Variants in AWAT2 observed in about 807,000 individuals in gnomAD.
AWAT2 encodes the protein 11-cis-RE-synthase.
A neutral mutation model predicts 22.3 loss-of-function variants in AWAT2; 9 were observed. The ratio of observed to expected loss-of-function variants is 0.40; its 90% CI spans 0.24 to 0.70. AWAT2 has a LOEUF of 0.70. AWAT2 is among the 30% of genes least tolerant of loss of function. The pLI, the probability that AWAT2 is intolerant of heterozygous loss-of-function variation, is 0.36. For missense variants in AWAT2, 217 were observed against 265.9 expected (o/e 0.82, Z 1.28); for synonymous variants, 100 against 93.4 (o/e 1.07, Z -0.40).
At chrX:70,041,706 G>C (rs751464598) in intron 7 of AWAT2, 67 bp downstream of exon 7, 3 of 906,265 alleles carry the variant, frequency 3.3e-6, no homozygotes, top group Non-Finnish European at 4.6e-6. Flanking sequence ...AGGAGGACTG[G>C]TCAAATCAGG....
intron 1 of AWAT2, among the ~76,000 whole-genome samples, chrX:70,046,786 A>T (rs149099862): frequency 6.2e-5 from 7 of 112,043 alleles, no homozygotes; most frequent in African/African-American, 2.3e-4. Context: ...TTTAATAGGG[A>T]GCATTCACAA....
intron 1 of AWAT2, 136 bp from the exon 2 acceptor site, chrX:70,044,598 C>A: frequency 9.8e-7 from 1 of 1,019,338 alleles, no homozygotes; most frequent in South Asian, 2.5e-5. Flanking sequence ...ACTTCTTCAC[C>A]CCAGCACCTG....
At chrX:70,047,925 T>A (rs1382598394) in intron 1 of AWAT2, among the ~76,000 whole-genome samples, 1 of 109,942 alleles carries the variant, frequency 9.1e-6, no homozygotes, top group Non-Finnish European at 1.9e-5. Flanking sequence ...TCAGCCACTC[T>A]CCTCCTTAAC....
At chrX:70,042,959 G>T in intron 5 of AWAT2, 110 bp downstream of exon 5, 1 of 676,315 alleles carries the variant, frequency 1.5e-6, no homozygotes. Flanking sequence ...AGAATGTATT[G>T]TATACTTCCT....
At chrX:70,041,705 G>T in intron 7 of AWAT2, 68 bp downstream of exon 7, 1 of 887,171 alleles carries the variant, frequency 1.1e-6, no homozygotes, top group Non-Finnish European at 1.6e-6. Context: ...AAGGAGGACT[G>T]GTCAAATCAG....
intron 3 of AWAT2, 39 bp from the exon 4 acceptor site, chrX:70,043,721 G>A (rs1406437154): frequency 1.8e-6 from 2 of 1,128,882 alleles, no homozygotes; most frequent in Non-Finnish European, 2.4e-6. Flanking sequence ...TATTCCCAGG[G>A]TAGAGAACTT....
rs762323805 is a variant in AWAT2 at position 70,043,088 on chromosome X, G to A, written c.628C>T (p.Arg210Cys). The change falls in exon 5 of 8, where the codon CGC becomes TGC. Residue 210 changes from arginine (R) to cysteine (C), a missense_variant. Coordinates refer to ENST00000276101, the MANE Select transcript of AWAT2 (RefSeq NM_001002254.1). ...LVLKNRSGFV[R>C]MALQHGVPLI... ...CCTTACCCATGCTGAAGGGCCATGC[G>A]CACAAAGCCAGACCGGTTCTTCAAC... The A allele has an allele frequency of 1.2e-5, 14 of 1,192,705 alleles. No homozygotes were observed. Among genetic ancestry groups the A allele is most frequent in the South Asian group, 7.4e-5 (4 of 53,883 alleles).
chrX:70,045,831 GA>G (rs976511163), intron 1 of AWAT2, among the ~76,000 whole-genome samples: 2 of 110,866 alleles, frequency 1.8e-5, no homozygotes, highest in African/African-American at 6.6e-5. Flanking sequence ...TAGAATCCAG[GA>G]AAAAAAGGAC....
chrX:70,044,827 A>G (rs867303183), intron 1 of AWAT2, among the ~76,000 whole-genome samples: 75 of 112,674 alleles, frequency 6.7e-4, no homozygotes, highest in African/African-American at 2.3e-3. Context: ...ATCCTGGAAC[A>G]GTTTTCCTCC....
chrX:70,047,090 CA>C (rs777746050), intron 1 of AWAT2, among the ~76,000 whole-genome samples: 1 of 111,758 alleles, frequency 8.9e-6, no homozygotes, highest in Non-Finnish European at 1.9e-5. Flanking sequence ...CTAAATAGCT[CA>C]ATTATGAATC....
chrX:70,043,773 C>A (rs2020345798), intron 3 of AWAT2, 91 bp from the exon 4 acceptor site: 1 of 1,016,435 alleles, frequency 9.8e-7, no homozygotes, highest in Admixed American at 2.9e-5. Context: ...ACTGCTAGGT[C>A]TAGCCATGCA....
At position 70,041,510 on chromosome X, in the gene AWAT2, A is replaced by G. The variant is rs970718946; in HGVS notation, c.*148T>C. ...AGAAGATGGGCTTTTTATTTTGTCCATTGTTTTCCTCAATGCTGGCACCAA... is the reference window on the plus strand; with the variant it reads ...AGAAGATGGGCTTTTTATTTTGTCCGTTGTTTTCCTCAATGCTGGCACCAA... On this transcript the variant is annotated 3_prime_UTR_variant, in exon 8 of 8. Coordinates refer to ENST00000276101, the MANE Select transcript of AWAT2 (RefSeq NM_001002254.1). 5 of 251,648 alleles carry G rather than the reference A, an allele frequency of 2.0e-5. No individual in the cohort carries two copies. The highest frequency in any genetic ancestry group is 1.4e-4 in the African/African-American group (5 of 35,307). The allele number at this position is 251,648 out of a possible 1,213,427, so 20.7% of individuals were successfully genotyped here. A position where few individuals can be genotyped will look rare whatever the true frequency, so the allele number is the denominator to read the frequency against.
At chrX:70,049,279 C>G (rs776552327) in intron 1 of AWAT2, among the ~76,000 whole-genome samples, 1 of 112,284 alleles carries the variant, frequency 8.9e-6, no homozygotes, top group Non-Finnish European at 1.9e-5. Context: ...TTCCAGGACC[C>G]CTTCCCACAG....
chrX:70,044,207 A>G (rs2020348662), intron 2 of AWAT2, 145 bp downstream of exon 2: 1 of 1,056,782 alleles, frequency 9.5e-7, no homozygotes, highest in Non-Finnish European at 1.3e-6. Context: ...CCACCTTAAA[A>G]GGACCCCTTC....
intron 1 of AWAT2, among the ~76,000 whole-genome samples, chrX:70,044,939 T>G (rs1412939291): frequency 6.2e-5 from 7 of 112,711 alleles, no homozygotes; most frequent in Admixed American, 2.8e-4. Flanking sequence ...GCACACCAGA[T>G]GGCAAACAAA....
intron 5 of AWAT2, 110 bp from the exon 6 acceptor site, chrX:70,042,496 C>T: frequency 2.6e-6 from 2 of 770,765 alleles, no homozygotes; most frequent in Non-Finnish European, 3.9e-6. Context: ...CTTCTCAGAC[C>T]CCAGTCCAGC....
chrX:70,046,398 C>T (rs1486482068), intron 1 of AWAT2, among the ~76,000 whole-genome samples: 2 of 79,242 alleles, frequency 2.5e-5, no homozygotes, highest in Non-Finnish European at 4.8e-5. Flanking sequence ...TTCAAGACCA[C>T]TGTACTCAAT....
chrX:70,045,605 A>C (rs1440939537), intron 1 of AWAT2, among the ~76,000 whole-genome samples: 1 of 111,748 alleles, frequency 8.9e-6, no homozygotes, highest in Non-Finnish European at 1.9e-5. Context: ...TCCCCAAAAA[A>C]TTGAACCAAA....
chrX:70,043,157 G>A lies in AWAT2; in HGVS notation c.559C>T (p.Leu187=). The A allele has an allele frequency of 1.7e-6, 2 of 1,206,834 alleles. No homozygotes were observed. The highest frequency in any genetic ancestry group is 3.0e-5 in the East Asian group (1 of 33,771). ...GGCAGGCTGTATCTGCACTCAGCCA[G>A]TCCACCAATCACCACAATGACCATG... The part of the protein sequence containing the change: ...GNMVIVVIGG[L]AECRYSLPGS... Residue 187 remains leucine, a synonymous_variant, in exon 5 of 8, where the codon CTG becomes TTG. Coordinates refer to ENST00000276101, the MANE Select transcript of AWAT2 (RefSeq NM_001002254.1).
Sources: allele counts gnomAD v4.1 joint callset (sites outside exome capture counted in the v4.1 genomes callset), GRCh38; gene constraint gnomAD v4.1.1; transcripts MANE v1.5; gene names NCBI Gene and HGNC (gene_info 2026-07-23, HGNC 2026-07-21).